The following GALNTL6 variants were observed in gnomAD, a reference collection of about 807,000 sequenced individuals.
GALNTL6 encodes polypeptide N-acetylgalactosaminyltransferase like 6.
GALNTL6 carries 46 observed loss-of-function variants against 73.7 expected under a neutral mutation model. The ratio of observed to expected loss-of-function variants is 0.62; its 90% confidence interval spans 0.49 to 0.80. The LOEUF (loss-of-function observed/expected upper bound fraction) is 0.80, where lower values mean the gene tolerates loss of function less well. Ranked by LOEUF, GALNTL6 falls within the 30% of genes least tolerant of loss-of-function variation. The pLI is 0.00. For missense variants in GALNTL6, 604 were observed against 755.0 expected, an observed-to-expected ratio of 0.80 and a Z score of 2.34; for synonymous variants, 259 against 263.7, an observed-to-expected ratio of 0.98 and a Z score of 0.17.
chr4:172,739,861 G>A (rs1736700228), intron 5 of GALNTL6, among the ~76,000 whole-genome samples: 1 of 151,670 alleles, frequency 6.6e-6, no homozygotes. Context: ...CTCAGTGGGG[G>A]AAAAGTTGGA....
chr4:173,037,949 G>A (rs1185737247), intron 12 of GALNTL6, among the ~76,000 whole-genome samples: 1 of 152,152 alleles, frequency 6.6e-6, no homozygotes, highest in Non-Finnish European at 1.5e-5. Flanking sequence ...CACCATGTTG[G>A]CCAGACTGGT....
rs200634048 is a variant in GALNTL6, at chr4:172,417,624, G to A, written c.553+68935G>A. On this transcript the variant is annotated intron_variant, in intron 5 of 12. Transcript: ENST00000506823. ...AGATTTTGCCACTGCACTCCAGCCT[G>A]GGTGGCAGAGTGAGACCCTGTCTCA... Among the ~76,000 whole-genome samples the A allele has an allele frequency of 7.8e-4, 118 of 152,056 alleles. 1 individual carries two copies. The South Asian group carries it at 0.016, about 21-fold the overall frequency.
intron 5 of GALNTL6, among the ~76,000 whole-genome samples, chr4:172,448,515 A>G (rs535419973): frequency 6.6e-6 from 1 of 152,298 alleles, no homozygotes; most frequent in South Asian, 2.1e-4. Flanking sequence ...AGTTACTCAT[A>G]TTTATAAAGC....
intron 5 of GALNTL6, among the ~76,000 whole-genome samples, chr4:172,688,732 C>T (rs1733082480): frequency 6.6e-6 from 1 of 152,198 alleles, no homozygotes; most frequent in Non-Finnish European, 1.5e-5. Context: ...AAATGGCTCT[C>T]CCCAGTGGAT....
intron 10 of GALNTL6, among the ~76,000 whole-genome samples, chr4:172,956,267 G>C (rs1749749853): frequency 6.6e-6 from 1 of 151,966 alleles, no homozygotes; most frequent in Non-Finnish European, 1.5e-5. Flanking sequence ...GATATTGTGG[G>C]GTTGTTAGAA....
intron 2 of GALNTL6, among the ~76,000 whole-genome samples, chr4:171,929,828 C>T (rs891028956): frequency 6.6e-6 from 1 of 152,238 alleles, no homozygotes; most frequent in East Asian, 1.9e-4. Context: ...CCCAGGCCAA[C>T]AGCGAATCCA....
intron 2 of GALNTL6, among the ~76,000 whole-genome samples, chr4:171,826,375 TG>T (rs1553962623): frequency 6.6e-6 from 1 of 152,192 alleles, no homozygotes; most frequent in Non-Finnish European, 1.5e-5. Context: ...AAGATAAATA[TG>T]GAACCTCTAT....
intron 2 of GALNTL6, among the ~76,000 whole-genome samples, chr4:172,107,028 C>T (rs1732693813): frequency 6.6e-6 from 1 of 152,132 alleles, no homozygotes; most frequent in African/African-American, 2.4e-5. Flanking sequence ...CATGTGCCAC[C>T]ACGCCCGGAT....
intron 2 of GALNTL6, among the ~76,000 whole-genome samples, chr4:171,820,936 A>T (rs1487095580): frequency 1.3e-5 from 2 of 152,172 alleles, no homozygotes; most frequent in Non-Finnish European, 2.9e-5. Context: ...TCCAGAGAAA[A>T]TTATAATAAT....
At chr4:172,815,604 AC>A (rs1310133091) in intron 7 of GALNTL6, among the ~76,000 whole-genome samples, 1 of 152,116 alleles carries the variant, frequency 6.6e-6, no homozygotes, top group Non-Finnish European at 1.5e-5. Flanking sequence ...TGCAGTGGAG[AC>A]AGTTATAAAA....
In GALNTL6 at chr4:171,877,187, G is replaced by T. The variant is rs567505446; in HGVS notation, c.138+62469G>T. Among the ~76,000 whole-genome samples the T allele has an allele frequency of 2.0e-5, 3 of 152,116 alleles. No individual in the cohort carries two copies. The East Asian group carries it at 5.8e-4, about 29-fold the overall frequency. ...ATTTCCTTCACCATTTCTCTCAGAGGTCCATAGACTCCTTGCAGACACAAA... is the reference window on the plus strand; with the variant it reads ...ATTTCCTTCACCATTTCTCTCAGAGTTCCATAGACTCCTTGCAGACACAAA... On this transcript the variant is annotated intron_variant, in intron 2 of 12. Coordinates refer to ENST00000506823, the MANE Select transcript of GALNTL6 (RefSeq NM_001034845.3).
chr4:171,876,801 A>G (rs774924704), intron 2 of GALNTL6, among the ~76,000 whole-genome samples: 3 of 152,212 alleles, frequency 2.0e-5, no homozygotes, highest in Admixed American at 6.5e-5. Flanking sequence ...TGTGAATTAC[A>G]TATTTCCTCA....
intron 2 of GALNTL6, among the ~76,000 whole-genome samples, chr4:172,064,188 C>A (rs889872162): frequency 1.3e-5 from 2 of 152,182 alleles, no homozygotes; most frequent in Non-Finnish European, 2.9e-5. Flanking sequence ...GTAGTCAGAT[C>A]ATCCAAGAAC....
At chr4:172,330,674 TG>T (rs1473491450) in intron 4 of GALNTL6, among the ~76,000 whole-genome samples, 2 of 152,182 alleles carry the variant, frequency 1.3e-5, no homozygotes, top group Non-Finnish European at 2.9e-5. Context: ...ATAGTTTATT[TG>T]TTTTTTTGTG....
intron 5 of GALNTL6, among the ~76,000 whole-genome samples, chr4:172,699,494 A>G (rs1231090565): frequency 1.3e-5 from 2 of 152,168 alleles, no homozygotes; most frequent in Non-Finnish European, 2.9e-5. Context: ...TTTATAAATA[A>G]CCTTCTCTCA....
chr4:172,342,280 T>C lies in GALNTL6; in HGVS notation c.387-6243T>C, dbSNP rs2626609. 9.1e-4 allele frequency among the ~76,000 whole-genome samples: 138 copies of C among 151,996 alleles called. 3 individuals carry two copies. In the East Asian group the frequency reaches 0.026, roughly 29 times the overall value. On this transcript the variant is annotated intron_variant, in intron 4 of 12. Transcript: ENST00000506823. ...TATAATTTAATTAATTTAATTAGTA[T>C]AAAGATGCCTTAAAGGGCCAATGAT...
intron 5 of GALNTL6, among the ~76,000 whole-genome samples, chr4:172,572,441 C>T (rs1736795929): frequency 6.6e-6 from 1 of 152,116 alleles, no homozygotes; most frequent in Non-Finnish European, 1.5e-5. Context: ...CTCAGAGACA[C>T]ACAACAAGTA....
At chr4:172,383,653 T>C (rs1743365389) in intron 5 of GALNTL6, among the ~76,000 whole-genome samples, 1 of 152,184 alleles carries the variant, frequency 6.6e-6, no homozygotes, top group Non-Finnish European at 1.5e-5. Flanking sequence ...AGAGCAGACA[T>C]CCTTATCCTG....
At chr4:172,194,516 A>C (rs1346564561) in intron 2 of GALNTL6, among the ~76,000 whole-genome samples, 1 of 152,212 alleles carries the variant, frequency 6.6e-6, no homozygotes, top group African/African-American at 2.4e-5. Flanking sequence ...GTTGAAATGA[A>C]GGAAAAAAAA....
Sources: gnomAD v4.1 joint callset for allele counts (sites outside exome capture counted in the v4.1 genomes callset) on GRCh38, gnomAD v4.1.1 for gene constraint, MANE v1.5 for transcripts, NCBI Gene and HGNC (gene_info 2026-07-23, HGNC 2026-07-21) for gene names.